PIEZO2: variants seen among roughly 807,000 people sequenced by gnomAD.
The protein encoded by PIEZO2 is piezo type mechanosensitive ion channel component 2.
PIEZO2 carries 172 observed loss-of-function variants against 337.3 expected under a neutral mutation model. The observed-to-expected ratio is 0.51, with a 90% CI of 0.45 to 0.58. The LOEUF (loss-of-function observed/expected upper bound fraction) is 0.58, where lower values mean the gene tolerates loss of function less well. Ranked by LOEUF, PIEZO2 falls within the 20% of genes least tolerant of loss-of-function variation. PIEZO2 has a pLI of 0.00. For synonymous variants in PIEZO2, 1,251 were observed against 1,228.5 expected (o/e 1.02, Z -0.38); for missense variants, 3,028 against 3,391.3 (o/e 0.89, Z 2.66).
Position 11,129,971 on chromosome 18 carries a change from T to A in PIEZO2, c.64+18554A>T, listed in dbSNP as rs558583499. 1.4e-4 allele frequency among the ~76,000 whole-genome samples: 21 copies of A among 152,290 alleles called. No individual in the cohort carries two copies. The highest frequency in any genetic ancestry group is 4.1e-4 in the South Asian group (2 of 4,824). ...AATTGACATAGACATACTCAGCAGC[T>A]GGCAGAACCCCCACATTGGCTCCCT... On this transcript the variant is annotated intron_variant, in intron 1 of 55. Transcript: ENST00000674853. This position sits in a 1 kb window ranked among gnomAD's most constrained non-coding sequence, Gnocchi z 4.6.
intron 44 of PIEZO2, among the ~76,000 whole-genome samples, chr18:10,698,176 C>A (rs1346339423): frequency 6.6e-6 from 1 of 152,180 alleles, no homozygotes; most frequent in East Asian, 1.9e-4. Context: ...TGCAGGTGTT[C>A]CAGATAGGAT....
chr18:11,143,758 T>G lies in PIEZO2; in HGVS notation c.64+4767A>C, dbSNP rs994048826. On this transcript the variant is annotated intron_variant, in intron 1 of 55. Transcript: ENST00000674853. The surrounding 1 kb of genome is among the most constrained non-coding windows in gnomAD (Gnocchi z 4.9). ...CCACATCCTCAGATCAGCCTTCTCCTGGCCCATGCTCTTACCTCCTAGTCT... is the reference window on the plus strand; with the variant it reads ...CCACATCCTCAGATCAGCCTTCTCCGGGCCCATGCTCTTACCTCCTAGTCT... 5.9e-5 allele frequency among the ~76,000 whole-genome samples: 9 copies of G among 151,926 alleles called. No individual in the cohort carries two copies. Among genetic ancestry groups the G allele is most frequent in the Non-Finnish European group, 1.0e-4 (7 of 67,972 alleles).
rs189453524 is a variant in PIEZO2, at chr18:10,671,669, C to T, written c.8456G>A (p.Arg2819Gln). The part of the protein sequence containing the change: ...IMFEELPNVD[R>Q]ILKLCTDIFL... ...AATATCTGTGCACAACTTCAAAATTCGATCCACATTTGGAAGCTCTTCAAA... is the reference window on the plus strand; with the variant it reads ...AATATCTGTGCACAACTTCAAAATTTGATCCACATTTGGAAGCTCTTCAAA... The change falls in exon 56 of 56, where the codon CGA (arginine) becomes CAA (glutamine). Residue 2819 changes from arginine to glutamine, a missense_variant. Around this residue, in one of 5 missense-constraint regions of PIEZO2, gnomAD observed 332 missense variants for 363.8 expected, o/e 0.91. Coordinates refer to ENST00000674853, the MANE Select transcript of PIEZO2 (RefSeq NM_001378183.1). 2.0e-4 allele frequency: 325 copies of T among 1,613,984 alleles called. No individual in the cohort carries two copies. Among genetic ancestry groups the T allele is most frequent in the Admixed American group, 1.7e-3 (100 of 60,014 alleles).
chr18:10,893,089 G>C (rs1162141678), intron 4 of PIEZO2, among the ~76,000 whole-genome samples: 1 of 152,114 alleles, frequency 6.6e-6, no homozygotes, highest in African/African-American at 2.4e-5. Context: ...TTTCTACTGC[G>C]AATCCCTTTG....
intron 1 of PIEZO2, among the ~76,000 whole-genome samples, chr18:11,115,276 TAC>T (rs1383965510): frequency 2.0e-5 from 3 of 152,246 alleles, no homozygotes; most frequent in Non-Finnish European, 2.9e-5. Context: ...TTGAGTTTTA[TAC>T]ACAGTTGTTA....
chr18:11,121,492 G>A (rs577350663), intron 1 of PIEZO2, among the ~76,000 whole-genome samples: 52 of 152,136 alleles, frequency 3.4e-4, no homozygotes, highest in Non-Finnish European at 7.2e-4. Context: ...CTTGATTCCA[G>A]GAGTTCAAGG....
intron 3 of PIEZO2, among the ~76,000 whole-genome samples, chr18:10,944,893 A>C (rs2032938221): frequency 6.6e-6 from 1 of 152,130 alleles, no homozygotes; most frequent in Non-Finnish European, 1.5e-5. Flanking sequence ...GGGGGAGAAA[A>C]AGAAGCAAAG....
In PIEZO2 at chr18:10,969,377, G is replaced by T. The variant is rs2145425994; in HGVS notation, c.286+10158C>A. On this transcript the variant is annotated intron_variant, in intron 3 of 55. Coordinates refer to ENST00000674853, the MANE Select transcript of PIEZO2 (RefSeq NM_001378183.1). The surrounding 1 kb of genome is among the most constrained non-coding windows in gnomAD (Gnocchi z 4.5). ...TTTGTCTTACAGCAAGGACTGGTCG[G>T]CATGGTGGGGAGCAGACGGGCGTGA... 1.4e-5 allele frequency among the ~76,000 whole-genome samples: 2 copies of T among 147,522 alleles called. No individual in the cohort carries two copies. The highest frequency in any genetic ancestry group is 3.9e-3 in the Middle Eastern group (1 of 256).
Position 11,000,861 on chromosome 18 carries a change from C to A in PIEZO2, c.161-21201G>T, listed in dbSNP as rs983385161. Among the ~76,000 whole-genome samples the A allele has an allele frequency of 3.3e-5, 5 of 152,094 alleles. No individual in the cohort carries two copies. The South Asian group carries it at 1.0e-3, about 32-fold the overall frequency. On this transcript the variant is annotated intron_variant, in intron 2 of 55. Coordinates refer to ENST00000674853, the MANE Select transcript of PIEZO2 (RefSeq NM_001378183.1). ...TGAACATGAGGCAGTGGCAGCAGAG[C>A]CCTCAGCCAGTTCTATAGGGAGCTC...
At chr18:11,093,576 C>CTTTTT (rs67441841) in intron 1 of PIEZO2, among the ~76,000 whole-genome samples, 3 of 56,628 alleles carry the variant, frequency 5.3e-5, no homozygotes, top group Non-Finnish European at 9.3e-5. Flanking sequence ...CACTCAACAT[C>CTTTTT]TTTTTTTTTT....
chr18:10,777,148 T>C (rs376718780), intron 18 of PIEZO2, among the ~76,000 whole-genome samples: 1 of 152,170 alleles, frequency 6.6e-6, no homozygotes, highest in Admixed American at 6.5e-5. Flanking sequence ...GAAGTGCATT[T>C]CTTCTCTTAG....
At chr18:10,801,824 C>T (rs534368136) in intron 9 of PIEZO2, among the ~76,000 whole-genome samples, 10 of 152,130 alleles carry the variant, frequency 6.6e-5, no homozygotes, top group Admixed American at 3.9e-4. Context: ...CGGTAGCTCA[C>T]GCCTGTAATC....
chr18:10,851,419 CTA>C (rs2041548675), intron 7 of PIEZO2, among the ~76,000 whole-genome samples: 1 of 152,054 alleles, frequency 6.6e-6, no homozygotes, highest in Non-Finnish European at 1.5e-5. Context: ...ATGTCTTACT[CTA>C]TGAGATTATA....
Position 10,748,488 on chromosome 18 carries a change from G to C in PIEZO2, c.4407C>G (p.Ser1469=). Residue 1469 remains serine, a synonymous_variant, in exon 30 of 56, where the codon TCC becomes TCG. Coordinates refer to ENST00000674853, the MANE Select transcript of PIEZO2 (RefSeq NM_001378183.1). The surrounding 1 kb of genome is among the most constrained non-coding windows in gnomAD (Gnocchi z 5.1). ...FLHVVADIKA[S]QILASRGAEL... is the part of the protein sequence containing the mutation. ...TGACCCACCTTGATGCCAGAATCTG[G>C]GAAGCTTTTATATCAGCCACAACAT... The C allele has an allele frequency of 1.3e-6, 2 of 1,536,894 alleles. No homozygotes were observed. The highest frequency in any genetic ancestry group is 1.7e-6 in the Non-Finnish European group (2 of 1,146,816).
chr18:10,687,203 G>A (rs538404543), intron 49 of PIEZO2, among the ~76,000 whole-genome samples: 2 of 152,216 alleles, frequency 1.3e-5, no homozygotes, highest in Non-Finnish European at 2.9e-5. Flanking sequence ...GTGCCATGGT[G>A]GTTTGTTGCA....
At chr18:10,758,776 T>C (rs2037995628) in intron 26 of PIEZO2, among the ~76,000 whole-genome samples, 1 of 152,148 alleles carries the variant, frequency 6.6e-6, no homozygotes, top group South Asian at 2.1e-4. Context: ...ACACTGCAAG[T>C]GTGGTGAGAG....
At chr18:10,879,616 C>T (rs187208122) in intron 4 of PIEZO2, among the ~76,000 whole-genome samples, 1 of 152,138 alleles carries the variant, frequency 6.6e-6, no homozygotes, top group African/African-American at 2.4e-5. Context: ...AGGATGGTCT[C>T]GATCTCCTGA....
chr18:10,722,957 ATTTTTT>A (rs36042609), intron 36 of PIEZO2, among the ~76,000 whole-genome samples: 12 of 84,334 alleles, frequency 1.4e-4, no homozygotes, highest in African/African-American at 2.9e-4. Flanking sequence ...GGATGCAGTG[ATTTTTT>A]TTTTTTTTTT....
At position 11,143,127 on chromosome 18, in the gene PIEZO2, T is replaced by C. The variant is rs138426191; in HGVS notation, c.64+5398A>G. Among the ~76,000 whole-genome samples, 1,377 of 152,286 alleles carry C rather than the reference T, an allele frequency of 9.0e-3. 28 individuals are homozygous for C. The highest frequency in any genetic ancestry group is 0.031 in the African/African-American group (1,275 of 41,566). ...AAAAGTTTTCCAATATTTTTGTTTT[T>C]AGCCTCAGTTCAATGGGATTTTTTT... On this transcript the variant is annotated intron_variant, in intron 1 of 55. Transcript: ENST00000674853. This position sits in a 1 kb window ranked among gnomAD's most constrained non-coding sequence, Gnocchi z 4.9.
Sources: allele counts gnomAD v4.1 joint callset (sites outside exome capture counted in the v4.1 genomes callset), GRCh38; gene constraint gnomAD v4.1.1; regional missense constraint gnomAD v4.1.1; non-coding constraint Gnocchi (gnomAD v3.1); transcripts MANE v1.5; gene names NCBI Gene and HGNC (gene_info 2026-07-23, HGNC 2026-07-21).